MTTP: variants seen among roughly 807,000 people sequenced by gnomAD.
The protein encoded by MTTP is microsomal triglyceride transfer protein.
In MTTP, 49 loss-of-function variants were observed where a neutral mutation model predicts 90.6. That is an observed-to-expected ratio of 0.54 (90% CI 0.43 to 0.69). MTTP has a LOEUF of 0.69. MTTP is among the 30% of genes least tolerant of loss of function. The probability of loss-of-function intolerance (pLI) is 0.00; values close to 1 mark genes in which losing one functional copy is unlikely to be tolerated. For synonymous variants in MTTP, 347 were observed against 384.2 expected, an observed-to-expected ratio of 0.90 and a Z score of 1.13; for missense variants, 945 against 1,067.5, an observed-to-expected ratio of 0.89 and a Z score of 1.60.
chr4:99,588,525 G>A (rs1725312926), intron 3 of MTTP, among the ~76,000 whole-genome samples: 1 of 151,784 alleles, frequency 6.6e-6, no homozygotes, highest in Admixed American at 6.6e-5. Context: ...AAATATCAAA[G>A]ATGATAAAAC....
chr4:99,576,694 C>CAAAAA (rs10630406), intron 1 of MTTP, among the ~76,000 whole-genome samples: 31 of 69,948 alleles, frequency 4.4e-4, no homozygotes, highest in Admixed American at 1.4e-3. Flanking sequence ...GACTCCGTCT[C>CAAAAA]AAAAAAAAAA....
chr4:99,613,019 T>C lies in MTTP; in HGVS notation c.2096T>C (p.Val699Ala). 1 of 1,614,104 alleles carries C rather than the reference T, an allele frequency of 6.2e-7. No individual in the cohort carries two copies. The highest frequency in any genetic ancestry group is 8.5e-7 in the Non-Finnish European group (1 of 1,179,968). The change falls in exon 15 of 18, where the codon GTT becomes GCT. Residue 699 changes from valine to alanine, a missense_variant. Physicochemically the swap from Val to Ala is moderately conservative, Grantham distance 64. Coordinates refer to ENST00000265517, the MANE Select transcript of MTTP (RefSeq NM_001386140.1). ...GGTATGTCAGCCATCCTCTTTGATGTTCAGCTCAGACCTGTCACCTTTTTC... is the reference window on the plus strand; with the variant it reads ...GGTATGTCAGCCATCCTCTTTGATGCTCAGCTCAGACCTGTCACCTTTTTC... Reference protein sequence around the residue: ...YAGMSAILFDVQLRPVTFFNG... With the variant: ...YAGMSAILFDAQLRPVTFFNG...
At chr4:99,574,664 G>T (rs1347858817), upstream of MTTP, 2 of 796,932 alleles carry the variant, frequency 2.5e-6, no homozygotes, top group Non-Finnish European at 4.0e-6. Flanking sequence ...TCCTCATTGG[G>T]TGAAAAAAAT....
chr4:99,591,404 G>C lies in MTTP; in HGVS notation c.618+53G>C. 4 of 1,345,044 alleles carry C rather than the reference G, an allele frequency of 3.0e-6. No individual in the cohort carries two copies. The Admixed American group carries it at 5.2e-5, about 17-fold the overall frequency. 83.3% of individuals were successfully genotyped at this position (1,345,044 alleles called of 1,614,324 possible). A position where few individuals can be genotyped will look rare whatever the true frequency, so the allele number is the denominator to read the frequency against. ...CATTAAAATAATTACATTTTGTAGA[G>C]ACTAATTTAATGTAATAGAAAAATA... On this transcript the variant is annotated intron_variant, in intron 5 of 17. Transcript: ENST00000265517.
At position 99,606,774 on chromosome 4, in the gene MTTP, C is replaced by A. The variant is rs764400215; in HGVS notation, c.1371C>A (p.Ile457=). Residue 457 remains isoleucine (I), a synonymous_variant, in exon 11 of 18, where the codon ATC becomes ATA. Transcript: ENST00000265517. The part of the protein sequence containing the change: ...LKAVVEAKKL[I]LGGLEKAEKK... ...CAGTAGTGGAAGCTAAGAAGTTAAT[C>A]CTGGGAGGACTTGAAAAAGCAGAGA... 6.2e-7 allele frequency: 1 copy of A among 1,613,728 alleles called. No individual in the cohort carries two copies. The highest frequency in any genetic ancestry group is 1.1e-5 in the South Asian group (1 of 91,058).
At chr4:99,580,814 A>G (rs540232966) in intron 1 of MTTP, among the ~76,000 whole-genome samples, 68 of 152,260 alleles carry the variant, frequency 4.5e-4, no homozygotes, top group African/African-American at 1.6e-3. Flanking sequence ...TCATATGTAG[A>G]GGAGACAGTG....
At chr4:99,584,501 T>C (rs1324172598) in intron 3 of MTTP, among the ~76,000 whole-genome samples, 3 of 152,182 alleles carry the variant, frequency 2.0e-5, no homozygotes, top group African/African-American at 7.2e-5. Context: ...GATGCACATT[T>C]TTATATGAAG....
At position 99,623,526 on chromosome 4, in the gene MTTP, C is replaced by T. The variant is rs1726297557; in HGVS notation, c.*678C>T. 1 of 153,182 alleles carries T rather than the reference C, an allele frequency of 6.5e-6. No individual in the cohort carries two copies. Among genetic ancestry groups the T allele is most frequent in the Admixed American group, 6.5e-5 (1 of 15,448 alleles). 9.5% of individuals were successfully genotyped at this position (153,182 alleles called of 1,614,324 possible). On this transcript the variant is annotated 3_prime_UTR_variant, in exon 18 of 18. Transcript: ENST00000265517. ...GTTCCAAAGACATTCAGGTCTCTAC[C>T]TCCAGCCCTGCAAAAATATTGGACC... is the stretch of plus-strand genomic sequence containing the variant.
At chr4:99,611,009 C>T in intron 12 of MTTP, 134 bp from the exon 13 acceptor site, 1 of 842,230 alleles carries the variant, frequency 1.2e-6, no homozygotes, top group Non-Finnish European at 2.0e-6. Flanking sequence ...GCTGGCACCA[C>T]CCTGGCTCTT....
intron 1 of MTTP, among the ~76,000 whole-genome samples, chr4:99,565,611 C>G (rs1321421696): frequency 1.3e-5 from 2 of 152,168 alleles, no homozygotes; most frequent in African/African-American, 4.8e-5. Context: ...CGAAATCATG[C>G]TCTCTGTGCT....
Position 99,597,146 on chromosome 4 carries a change from T to G in MTTP, c.989T>G (p.Leu330Arg). The change falls in exon 8 of 18, where the codon CTG (leucine) becomes CGG (arginine). Residue 330 changes from leucine to arginine, a missense_variant. Coordinates refer to ENST00000265517, the MANE Select transcript of MTTP (RefSeq NM_001386140.1). ...AAGGCTGAGGCTGTCAGAAACTTCCTGGCCTTCATTCAGCACCTCAGGACT... is the reference window on the plus strand; with the variant it reads ...AAGGCTGAGGCTGTCAGAAACTTCCGGGCCTTCATTCAGCACCTCAGGACT... ...LSKAEAVRNF[L>R]AFIQHLRTAK... The G allele has an allele frequency of 6.2e-7, 1 of 1,614,082 alleles. No individual in the cohort carries two copies. The highest frequency in any genetic ancestry group is 8.5e-7 in the Non-Finnish European group (1 of 1,179,940).
At chr4:99,596,949 C>A in intron 7 of MTTP, 118 bp from the exon 8 acceptor site, 1 of 1,394,102 alleles carries the variant, frequency 7.2e-7, no homozygotes, top group Non-Finnish European at 1.0e-6. Flanking sequence ...AGGTAAGGTA[C>A]AAAAAGCTGC....
At chr4:99,580,456 T>C (rs969530239) in intron 1 of MTTP, among the ~76,000 whole-genome samples, 3 of 150,986 alleles carry the variant, frequency 2.0e-5, no homozygotes, top group Non-Finnish European at 4.4e-5. Context: ...ACACCTGTAT[T>C]ACTAGCTACT....
intron 11 of MTTP, 149 bp from the exon 12 acceptor site, chr4:99,608,617 T>G (rs1725876444): frequency 1.6e-5 from 11 of 705,652 alleles, no homozygotes; most frequent in Non-Finnish European, 1.8e-5. Flanking sequence ...CCAGAACTAG[T>G]CACGTGGCCC....
At chr4:99,588,776 T>C (rs191261792) in intron 3 of MTTP, among the ~76,000 whole-genome samples, 248 of 59,106 alleles carry the variant, frequency 4.2e-3, no homozygotes, top group Non-Finnish European at 5.0e-3. Flanking sequence ...TATATGTTCA[T>C]ATATATACAC....
chr4:99,575,111 A>C, intron 1 of MTTP, 141 bp downstream of exon 1: 1 of 985,930 alleles, frequency 1.0e-6, no homozygotes, highest in South Asian at 1.4e-5. Context: ...TAACTTTGGA[A>C]TGTTTGTGAA....
At chr4:99,580,614 A>G (rs933335253) in intron 1 of MTTP, among the ~76,000 whole-genome samples, 1 of 147,810 alleles carries the variant, frequency 6.8e-6, no homozygotes. Context: ...TCATGTCTCT[A>G]TGATGAATTA....
At chr4:99,596,920 G>T in intron 7 of MTTP, 147 bp from the exon 8 acceptor site, 1 of 931,576 alleles carries the variant, frequency 1.1e-6, no homozygotes, top group Non-Finnish European at 1.7e-6. Flanking sequence ...ATATGGGCAG[G>T]GAACTGTCAT....
chr4:99,581,972 T>C lies in MTTP; in HGVS notation c.129T>C (p.Leu43=). ...AGCTCACGTACTCCACTGAAGTTCT[T>C]CTTGATCGGGGCAAAGGAAAACTGC... ...LYKLTYSTEV[L]LDRGKGKLQD... The change falls in exon 2 of 18, where the codon CTT becomes CTC. Residue 43 remains leucine, a synonymous_variant. Transcript: ENST00000265517. The C allele has an allele frequency of 6.2e-7, 1 of 1,614,194 alleles. No homozygotes were observed. The highest frequency in any genetic ancestry group is 2.2e-5 in the East Asian group (1 of 44,884).
Sources: gnomAD v4.1 joint callset for allele counts (sites outside exome capture counted in the v4.1 genomes callset) on GRCh38, gnomAD v4.1.1 for gene constraint, MANE v1.5 for transcripts, NCBI Gene and HGNC (gene_info 2026-07-23, HGNC 2026-07-21) for gene names.